METAP1: variants seen among roughly 807,000 people sequenced by gnomAD.
METAP1 encodes methionine aminopeptidase 1.
In METAP1, 28 loss-of-function variants were observed where a neutral mutation model predicts 53.8. That is an observed-to-expected ratio of 0.52 (90% CI 0.39 to 0.71). The LOEUF (loss-of-function observed/expected upper bound fraction) is 0.71. METAP1 is among the 30% of genes least tolerant of loss of function. METAP1 has a pLI of 0.00. For synonymous variants in METAP1, 181 were observed against 165.7 expected, an observed-to-expected ratio of 1.09 and a Z score of -0.71; for missense variants, 389 against 479.8, an observed-to-expected ratio of 0.81 and a Z score of 1.77.
At position 99,041,433 on chromosome 4, in the gene METAP1, GCCACTA is replaced by G. The variant is rs144560726; in HGVS notation, c.516+309_516+314del. On this transcript the variant is annotated intron_variant, in intron 6 of 10. Coordinates refer to ENST00000296411, the MANE Select transcript of METAP1 (RefSeq NM_015143.3). ...ATTTTATCTGCTTTAAGTAAATCCT[GCCACTA>G]CAGACATCAAATATTCTGAAATAAA... 3.6e-3 allele frequency among the ~76,000 whole-genome samples: 540 copies of G among 152,098 alleles called. 2 individuals carry two copies. Among genetic ancestry groups the G allele is most frequent in the African/African-American group, 0.012 (517 of 41,530 alleles).
At chr4:99,012,352 C>G (rs1310998567) in intron 1 of METAP1, among the ~76,000 whole-genome samples, 2 of 150,978 alleles carry the variant, frequency 1.3e-5, no homozygotes, top group African/African-American at 4.9e-5. Flanking sequence ...CTTACTGCAA[C>G]CTTTGCCTCC....
intron 9 of METAP1, among the ~76,000 whole-genome samples, chr4:99,052,346 A>C (rs1172946731): frequency 6.6e-6 from 1 of 152,228 alleles, no homozygotes; most frequent in Admixed American, 6.5e-5. Flanking sequence ...TTCCTGGTAG[A>C]ATTCTTGTTA....
intron 4 of METAP1, among the ~76,000 whole-genome samples, chr4:99,036,623 C>T (rs753366063): frequency 6.6e-6 from 1 of 151,532 alleles, no homozygotes; most frequent in Non-Finnish European, 1.5e-5. Flanking sequence ...GCTGTATTCA[C>T]TTAATATGTC....
chr4:99,015,672 TGA>T (rs1472086657), intron 1 of METAP1, among the ~76,000 whole-genome samples: 1 of 151,960 alleles, frequency 6.6e-6, no homozygotes, highest in Non-Finnish European at 1.5e-5. Flanking sequence ...TCTATGGGAG[TGA>T]GAGACTGTTA....
chr4:99,022,643 C>A, intron 1 of METAP1: 1 of 939,838 alleles, frequency 1.1e-6, no homozygotes, highest in Non-Finnish European at 1.7e-6. Context: ...GCACACCTGG[C>A]GCTCAAAGGC....
Position 99,034,276 on chromosome 4 carries a change from T to G in METAP1, c.213T>G (p.Gly71=), listed in dbSNP as rs567372684. 6.4e-7 allele frequency: 1 copy of G among 1,550,794 alleles called. No individual in the cohort carries two copies. Among genetic ancestry groups the G allele is most frequent in the Non-Finnish European group, 8.7e-7 (1 of 1,146,156 alleles). The change falls in exon 3 of 11, where the codon GGT becomes GGG. Residue 71 remains glycine, a synonymous_variant. Transcript: ENST00000296411. ...AAGTGTCTTCCTGGACTGTGGAAGGTGATATTAATACTGACCCATGGGCAG... is the reference window on the plus strand; with the variant it reads ...AAGTGTCTTCCTGGACTGTGGAAGGGGATATTAATACTGACCCATGGGCAG... The part of the protein sequence containing the change: ...KREVSSWTVE[G]DINTDPWAGY...
At chr4:99,030,214 A>G (rs2110334720) in intron 2 of METAP1, among the ~76,000 whole-genome samples, 1 of 152,286 alleles carries the variant, frequency 6.6e-6, no homozygotes, top group Middle Eastern at 3.4e-3. Context: ...AAAGCTTAAA[A>G]TCGGCCTCTC....
At chr4:99,036,998 T>G (rs1461407650) in intron 4 of METAP1, among the ~76,000 whole-genome samples, 2 of 152,082 alleles carry the variant, frequency 1.3e-5, no homozygotes, top group Non-Finnish European at 2.9e-5. Flanking sequence ...CAAAGCTTTA[T>G]GATCTTTGCT....
At chr4:99,049,018 C>A in intron 9 of METAP1, 142 bp downstream of exon 9, 2 of 1,085,844 alleles carry the variant, frequency 1.8e-6, no homozygotes, top group Non-Finnish European at 1.3e-6. Context: ...TGTGTATTTG[C>A]TGAAACACAG....
At position 99,061,172 on chromosome 4, in the gene METAP1, C is replaced by G; in HGVS notation, c.1016C>G (p.Thr339Ser). 1 of 1,612,974 alleles carries G rather than the reference C, an allele frequency of 6.2e-7. No homozygotes were observed. Among genetic ancestry groups the G allele is most frequent in the Non-Finnish European group, 8.5e-7 (1 of 1,179,470 alleles). ...GTTGAAGGCGGATGGCAGGATGAAA[C>G]CTGGCCAGATGGTTGGACTGCGGTG... ...MICEGGWQDE[T>S]WPDGWTAVTR... is the part of the protein sequence containing the mutation. Residue 339 changes from threonine (T) to serine (S), a missense_variant, in exon 11 of 11, where the codon ACC becomes AGC. Physicochemically the swap from Thr to Ser is moderately conservative, Grantham distance 58. Transcript: ENST00000296411.
At chr4:99,037,813 A>G (rs1725542118) in intron 4 of METAP1, 1 of 151,972 alleles carries the variant, frequency 6.6e-6, no homozygotes, top group Non-Finnish European at 1.5e-5. Flanking sequence ...TGTGAAATTT[A>G]GAATCAGCTT....
intron 1 of METAP1, among the ~76,000 whole-genome samples, chr4:99,025,090 T>G (rs1214961024): frequency 6.6e-6 from 1 of 152,220 alleles, no homozygotes; most frequent in African/African-American, 2.4e-5. Context: ...AATGCGGTAA[T>G]AATGCCAGCC....
Position 99,031,525 on chromosome 4 carries a change from A to G in METAP1, c.166+2607A>G, listed in dbSNP as rs527509477. The G allele has an allele frequency of 1.5e-5, 19 of 1,288,788 alleles. No homozygotes were observed. The African/African-American group carries it at 2.1e-4, about 14-fold the overall frequency. 79.8% of individuals were successfully genotyped at this position (1,288,788 alleles called of 1,614,324 possible). On this transcript the variant is annotated intron_variant, in intron 2 of 10. Coordinates refer to ENST00000296411, the MANE Select transcript of METAP1 (RefSeq NM_015143.3). ...GATTACAGAGAGAAGGTGTTATGTA[A>G]TGTCTTAAACTGGCTCCACCAAACT...
intron 1 of METAP1, among the ~76,000 whole-genome samples, chr4:99,014,629 G>T (rs72908974): frequency 0.022 from 3,289 of 152,250 alleles, 101 homozygotes; most frequent in African/African-American, 0.073. Context: ...AGGATCAAAG[G>T]ATCTGTAAGG....
chr4:99,000,706 CTT>C (rs1162206376), intron 1 of METAP1, among the ~76,000 whole-genome samples: 13 of 97,818 alleles, frequency 1.3e-4, no homozygotes, highest in Admixed American at 3.1e-4. Flanking sequence ...CTCTCTCTCT[CTT>C]TTTTTTTTTT....
intron 10 of METAP1, 47 bp from the exon 11 acceptor site, chr4:99,061,107 C>A: frequency 1.3e-6 from 2 of 1,580,200 alleles, no homozygotes; most frequent in South Asian, 2.3e-5. Flanking sequence ...TGATAGAGTT[C>A]ATTTAGAAAA....
intron 1 of METAP1, among the ~76,000 whole-genome samples, chr4:99,000,302 A>G (rs940150943): frequency 1.3e-5 from 2 of 152,204 alleles, no homozygotes; most frequent in Non-Finnish European, 2.9e-5. Flanking sequence ...GTAACTATTT[A>G]TATTTATAAG....
In METAP1 at chr4:99,054,960, A is replaced by G. The variant is rs79201703; in HGVS notation, c.932-2793A>G. On this transcript the variant is annotated intron_variant, in intron 9 of 10. Transcript: ENST00000296411. ...GATCACTATAACTGGTGTGATAATAATGAACATGTTTGAAAGATTGTGAAA... is the reference window on the plus strand; with the variant it reads ...GATCACTATAACTGGTGTGATAATAGTGAACATGTTTGAAAGATTGTGAAA... Among the ~76,000 whole-genome samples the G allele has an allele frequency of 3.2e-3, 494 of 152,334 alleles. 5 individuals carry two copies. The highest frequency in any genetic ancestry group is 0.011 in the African/African-American group (458 of 41,562).
intron 9 of METAP1, among the ~76,000 whole-genome samples, chr4:99,054,425 C>G (rs951410912): frequency 1.3e-5 from 2 of 152,304 alleles, no homozygotes; most frequent in African/African-American, 4.8e-5. Context: ...GTGCCTTGCT[C>G]TGGATTGGGC....
Sources: gnomAD v4.1 joint callset for allele counts (sites outside exome capture counted in the v4.1 genomes callset) on GRCh38, gnomAD v4.1.1 for gene constraint, MANE v1.5 for transcripts, NCBI Gene and HGNC (gene_info 2026-07-23, HGNC 2026-07-21) for gene names.